Variants in PITPNM2 observed in about 807,000 individuals in gnomAD.
PITPNM2 encodes membrane-associated phosphatidylinositol transfer protein 2.
A neutral mutation model predicts 132.2 loss-of-function variants in PITPNM2; 35 were observed. The ratio of observed to expected loss-of-function variants is 0.26; its 90% CI spans 0.20 to 0.35. The LOEUF is 0.35. Among genes scored for constraint, PITPNM2 ranks in the 10% least tolerant of loss-of-function variants. The pLI is 1.00. For synonymous variants in PITPNM2, 738 were observed against 799.2 expected (o/e 0.92, Z 1.29); for missense variants, 1,332 against 1,912.0 (o/e 0.70, Z 5.66).
chr12:123,128,519 T>C (rs2043195828), intron 1 of PITPNM2, among the ~76,000 whole-genome samples: 3 of 147,662 alleles, frequency 2.0e-5, no homozygotes, highest in Non-Finnish European at 3.0e-5. Flanking sequence ...TTTGGGAGGC[T>C]GAGGGGGGCA....
intron 2 of PITPNM2, among the ~76,000 whole-genome samples, chr12:123,046,603 G>A (rs975176381): frequency 1.3e-4 from 20 of 152,018 alleles, no homozygotes; most frequent in Admixed American, 9.2e-4. Context: ...GTCACTTCCC[G>A]TTGCCCCAGC....
rs139205213 is a variant in PITPNM2 at position 123,079,350 on chromosome 12, C to CTTTTTTTTTTTTTTTTTT, written c.-96+31017_-96+31034dup. 2.1e-3 allele frequency among the ~76,000 whole-genome samples: 114 copies of CTTTTTTTTTTTTTTTTTT among 53,842 alleles called. 5 individuals carry two copies. In the Middle Eastern group the frequency reaches 0.045, roughly 21 times the overall value. The allele number at this position is 53,842 out of a possible 152,430, so 35.3% of individuals were successfully genotyped here. Reference sequence around the variant, plus strand: ...TTCACTTCTTTTTCTTTTTTCTTTTCTTTTTTTTTTTTTTTTTTTTTTTTT... The same window carrying CTTTTTTTTTTTTTTTTTT: ...TTCACTTCTTTTTCTTTTTTCTTTTCTTTTTTTTTTTTTTTTTTTTTTTTTTTTTTTTTTTTTTTTTTT... On this transcript the variant is annotated intron_variant, in intron 2 of 25. Transcript: ENST00000320201.
At chr12:123,056,588 C>A (rs773642165) in intron 2 of PITPNM2, among the ~76,000 whole-genome samples, 1 of 151,974 alleles carries the variant, frequency 6.6e-6, no homozygotes, top group Non-Finnish European at 1.5e-5. Flanking sequence ...CTCCTGCTGC[C>A]GGACACGAAG....
At chr12:123,075,904 CA>C (rs1338628913) in intron 2 of PITPNM2, 3 of 152,268 alleles carry the variant, frequency 2.0e-5, no homozygotes, top group African/African-American at 4.8e-5. Flanking sequence ...GGTAACTGAA[CA>C]CACACTTGCA....
At position 123,008,849 on chromosome 12, in the gene PITPNM2, A is replaced by C. The variant is rs983267033; in HGVS notation, c.643+1001T>G. Among the ~76,000 whole-genome samples, 1 of 152,192 alleles carries C rather than the reference A, an allele frequency of 6.6e-6. No individual in the cohort carries two copies. The highest frequency in any genetic ancestry group is 1.5e-5 in the Non-Finnish European group (1 of 68,042). On this transcript the variant is annotated intron_variant, in intron 6 of 25. Transcript: ENST00000320201. The surrounding 1 kb of genome is among the most constrained non-coding windows in gnomAD (Gnocchi z 4.1). ...GTGGAAGACCGCGTCCTTGGACCCC[A>C]ATCCTTTCGGGTACACATCCACCCT...
chr12:123,086,380 G>C (rs951349045), intron 2 of PITPNM2, among the ~76,000 whole-genome samples: 1 of 152,176 alleles, frequency 6.6e-6, no homozygotes, highest in Non-Finnish European at 1.5e-5. Context: ...GCTTTTCTGA[G>C]GACTACAATG....
chr12:123,149,292 C>T (rs1051398717), intron 1 of PITPNM2, among the ~76,000 whole-genome samples: 6 of 152,210 alleles, frequency 3.9e-5, no homozygotes, highest in African/African-American at 1.4e-4. Context: ...AATCTGGAGT[C>T]TTTGCCTGGC....
chr12:122,995,776 C>A, intron 13 of PITPNM2, 116 bp from the exon 14 acceptor site: 1 of 1,371,370 alleles, frequency 7.3e-7, no homozygotes, highest in South Asian at 1.5e-5. Flanking sequence ...ACTGTCCAGC[C>A]GGCCTCTTGC....
intron 1 of PITPNM2, among the ~76,000 whole-genome samples, chr12:123,148,093 G>T (rs2043655235): frequency 6.6e-6 from 1 of 152,194 alleles, no homozygotes; most frequent in South Asian, 2.1e-4. Context: ...TAAACCAGAT[G>T]AGGATTTGCC....
At chr12:123,110,083 C>T (rs1201683749) in intron 2 of PITPNM2, among the ~76,000 whole-genome samples, 1 of 152,098 alleles carries the variant, frequency 6.6e-6, no homozygotes, top group African/African-American at 2.4e-5. Context: ...TCAGCCTCCC[C>T]AGTAGCTGGG....
chr12:123,018,782 C>CTTTTTTTT (rs57520928), intron 3 of PITPNM2, among the ~76,000 whole-genome samples: 2 of 121,436 alleles, frequency 1.6e-5, no homozygotes, highest in African/African-American at 6.7e-5. Flanking sequence ...CTTTCCTTTC[C>CTTTTTTTT]TTTTTTTTTT....
At chr12:123,016,403 C>T (rs2039426913) in intron 3 of PITPNM2, among the ~76,000 whole-genome samples, 2 of 151,254 alleles carry the variant, frequency 1.3e-5, no homozygotes, top group Non-Finnish European at 3.0e-5. Flanking sequence ...GCAATCTCCG[C>T]CTCCTGGGTT....
At chr12:123,132,163 T>G (rs1299434461) in intron 1 of PITPNM2, among the ~76,000 whole-genome samples, 1 of 152,240 alleles carries the variant, frequency 6.6e-6, no homozygotes, top group Non-Finnish European at 1.5e-5. Context: ...GGTATTTATC[T>G]TTCCACTCAC....
chr12:123,047,370 T>C (rs749417555), intron 2 of PITPNM2, among the ~76,000 whole-genome samples: 11 of 152,238 alleles, frequency 7.2e-5, no homozygotes, highest in Non-Finnish European at 1.5e-4. Flanking sequence ...TTAAATGATC[T>C]AGGAAATAAA....
rs1020320520 is a variant in PITPNM2 at position 123,000,370 on chromosome 12, C to T, written c.1224+408G>A. 25 of 701,354 alleles carry T rather than the reference C, an allele frequency of 3.6e-5. No homozygotes were observed. In the African/African-American group the frequency reaches 3.8e-4, roughly 11 times the overall value. The allele number at this position is 701,354 out of a possible 1,614,324, so 43.4% of individuals were successfully genotyped here. A position where few individuals can be genotyped will look rare whatever the true frequency, so the allele number is the denominator to read the frequency against. Reference sequence around the variant, plus strand: ...CCTCCCGCGGGGCCATCTTGTCGGCCACGGCCACATCACTTCTGCCTAGAC... The same window carrying T: ...CCTCCCGCGGGGCCATCTTGTCGGCTACGGCCACATCACTTCTGCCTAGAC... On this transcript the variant is annotated intron_variant, in intron 10 of 25. Transcript: ENST00000320201. The surrounding 1 kb of genome is among the most constrained non-coding windows in gnomAD (Gnocchi z 5.4).
At chr12:123,029,207 C>T (rs1024415416) in intron 3 of PITPNM2, among the ~76,000 whole-genome samples, 4 of 152,214 alleles carry the variant, frequency 2.6e-5, no homozygotes, top group African/African-American at 9.6e-5. Flanking sequence ...GCCCGGAGAT[C>T]TGAGCTCCAA....
At position 123,005,813 on chromosome 12, in the gene PITPNM2, G is replaced by C; in HGVS notation, c.644-265C>G. On this transcript the variant is annotated intron_variant, in intron 6 of 25. Transcript: ENST00000320201. The surrounding 1 kb of genome is among the most constrained non-coding windows in gnomAD (Gnocchi z 6.2). ...GCAATGTGTCCGGTCAGAAGCCACA[G>C]TTGGAAGGGCGCAGTGGCTCATGCC... The C allele has an allele frequency of 2.0e-6, 1 of 511,666 alleles. No homozygotes were observed. Among genetic ancestry groups the C allele is most frequent in the Non-Finnish European group, 3.5e-6 (1 of 288,850 alleles). 31.7% of individuals were successfully genotyped at this position (511,666 alleles called of 1,614,324 possible).
chr12:123,098,403 C>A (rs181247173), intron 2 of PITPNM2, among the ~76,000 whole-genome samples: 3 of 152,168 alleles, frequency 2.0e-5, no homozygotes, highest in African/African-American at 7.2e-5. Flanking sequence ...GGCAGCAGTA[C>A]GAGATAAGAA....
Position 123,150,755 on chromosome 12 carries a change from C to T in PITPNM2, c.-202G>A, listed in dbSNP as rs2043724966. ...AGCGGCCGCCCGGACGCACTCACCCCGCTCGGCGCGGCCGCGGGCTCTGTC... is the reference window on the plus strand; with the variant it reads ...AGCGGCCGCCCGGACGCACTCACCCTGCTCGGCGCGGCCGCGGGCTCTGTC... On this transcript the variant is annotated splice_region_variant and 5_prime_UTR_variant, in exon 1 of 26. Coordinates refer to ENST00000320201, the MANE Select transcript of PITPNM2 (RefSeq NM_020845.3). This position sits in a 1 kb window ranked among gnomAD's most constrained non-coding sequence, Gnocchi z 6.0. Among the ~76,000 whole-genome samples the T allele has an allele frequency of 6.7e-6, 1 of 150,064 alleles. No individual in the cohort carries two copies. The highest frequency in any genetic ancestry group is 2.1e-4 in the South Asian group (1 of 4,836).
Sources: allele counts gnomAD v4.1 joint callset (sites outside exome capture counted in the v4.1 genomes callset), GRCh38; gene constraint gnomAD v4.1.1; non-coding constraint Gnocchi (gnomAD v3.1); transcripts MANE v1.5; gene names NCBI Gene and HGNC (gene_info 2026-07-23, HGNC 2026-07-21).